ARSB: variants seen among roughly 807,000 people sequenced by gnomAD.
ARSB encodes the protein arylsulfatase B.
A neutral mutation model predicts 50.9 loss-of-function variants in ARSB; 41 were observed. That is an observed-to-expected ratio of 0.81 (90% CI 0.63 to 1.04). The LOEUF (loss-of-function observed/expected upper bound fraction) is 1.04. Among genes scored for constraint, ARSB ranks in the 50% least tolerant of loss-of-function variants. ARSB has a pLI of 0.00. For synonymous variants in ARSB, 269 were observed against 284.8 expected (o/e 0.94, Z 0.56); for missense variants, 672 against 693.3 (o/e 0.97, Z 0.35).
intron 5 of ARSB, among the ~76,000 whole-genome samples, chr5:78,878,143 A>C (rs1438279481): frequency 2.0e-5 from 3 of 152,226 alleles, no homozygotes; most frequent in East Asian, 1.9e-4. Context: ...TTAAGTGTCC[A>C]AGTGAAAAGC....
intron 4 of ARSB, among the ~76,000 whole-genome samples, chr5:78,929,007 GTGTCCA>G (rs1472275185): frequency 6.6e-6 from 1 of 151,990 alleles, no homozygotes; most frequent in Non-Finnish European, 1.5e-5. Flanking sequence ...CCTGCTCTCC[GTGTCCA>G]TTGCCTACCT....
At chr5:78,865,174 G>GT (rs1746658848) in intron 5 of ARSB, among the ~76,000 whole-genome samples, 1 of 152,146 alleles carries the variant, frequency 6.6e-6, no homozygotes, top group Non-Finnish European at 1.5e-5. Flanking sequence ...GAGGTTCTCC[G>GT]TGAGTATCCC....
At chr5:78,847,213 A>C (rs1745484013) in intron 5 of ARSB, among the ~76,000 whole-genome samples, 1 of 151,990 alleles carries the variant, frequency 6.6e-6, no homozygotes, top group South Asian at 2.1e-4. Flanking sequence ...TTGCAGTCTC[A>C]ATCTCCCAGA....
chr5:78,826,059 T>C (rs1744420750), intron 6 of ARSB, among the ~76,000 whole-genome samples: 1 of 151,936 alleles, frequency 6.6e-6, no homozygotes, highest in African/African-American at 2.4e-5. Flanking sequence ...CTTTCTTTTT[T>C]TTTTTTTGAT....
chr5:78,885,950 G>T (rs1397696774), intron 4 of ARSB, 123 bp from the exon 5 acceptor site: 3 of 1,490,236 alleles, frequency 2.0e-6, no homozygotes, highest in Admixed American at 1.8e-5. Context: ...AAAATTCCTT[G>T]CCTTTTCCCA....
intron 5 of ARSB, among the ~76,000 whole-genome samples, chr5:78,864,013 T>C (rs766184503): frequency 2.6e-5 from 4 of 151,378 alleles, no homozygotes; most frequent in Non-Finnish European, 5.9e-5. Flanking sequence ...AAGAAAGTAA[T>C]ATCAACCAAA....
intron 2 of ARSB, 113 bp downstream of exon 2, chr5:78,968,893 G>T: frequency 8.0e-7 from 1 of 1,251,376 alleles, no homozygotes; most frequent in Non-Finnish European, 1.2e-6. Context: ...AGTGCCGACT[G>T]ATTCACTCTG....
At chr5:78,914,218 G>T (rs1412995576) in intron 4 of ARSB, among the ~76,000 whole-genome samples, 6 of 151,942 alleles carry the variant, frequency 3.9e-5, no homozygotes, top group Admixed American at 3.9e-4. Flanking sequence ...TCCTGCCTTG[G>T]CCTCCCAAAG....
At chr5:78,958,650 T>C (rs1207836599) in intron 3 of ARSB, among the ~76,000 whole-genome samples, 1 of 152,204 alleles carries the variant, frequency 6.6e-6, no homozygotes, top group Non-Finnish European at 1.5e-5. Flanking sequence ...TCCTGGAGAC[T>C]GTGTCACGTA....
intron 6 of ARSB, among the ~76,000 whole-genome samples, chr5:78,810,639 T>C (rs1188730898): frequency 2.6e-5 from 4 of 152,216 alleles, no homozygotes; most frequent in Non-Finnish European, 5.9e-5. Context: ...GAATTAGCAT[T>C]GAATGGCTTT....
At chr5:78,951,345 C>A (rs1462672433) in intron 4 of ARSB, among the ~76,000 whole-genome samples, 1 of 151,994 alleles carries the variant, frequency 6.6e-6, no homozygotes, top group African/African-American at 2.4e-5. Context: ...ACTATACTAA[C>A]AAGCTTGGAA....
Position 78,780,285 on chromosome 5 carries a change from G to T in ARSB, c.*112C>A. Reference sequence around the variant, plus strand: ...TTAGACACCTCGGTGTGGTTTAAGAGCAAGAGAAGGGCCAAGTGAACCCAG... The same window carrying T: ...TTAGACACCTCGGTGTGGTTTAAGATCAAGAGAAGGGCCAAGTGAACCCAG... On this transcript the variant is annotated 3_prime_UTR_variant, in exon 8 of 8. Transcript: ENST00000264914. 1 of 1,459,106 alleles carries T rather than the reference G, an allele frequency of 6.9e-7. No homozygotes were observed. Among genetic ancestry groups the T allele is most frequent in the Non-Finnish European group, 9.6e-7 (1 of 1,044,962 alleles). The allele number at this position is 1,459,106 out of a possible 1,614,324, so 90.4% of individuals were successfully genotyped here. A position where few individuals can be genotyped will look rare whatever the true frequency, so the allele number is the denominator to read the frequency against.
At chr5:78,952,229 C>T (rs1751519236) in intron 4 of ARSB, among the ~76,000 whole-genome samples, 1 of 152,136 alleles carries the variant, frequency 6.6e-6, no homozygotes, top group South Asian at 2.1e-4. Flanking sequence ...TATACATACA[C>T]ATTTGCAATC....
At chr5:78,985,492 C>G (rs1005864056), upstream of ARSB, 12 of 290,014 alleles carry the variant, frequency 4.1e-5, no homozygotes, top group Admixed American at 2.6e-4. Flanking sequence ...CTTGGAAACT[C>G]AGCTGACGCT....
intron 4 of ARSB, among the ~76,000 whole-genome samples, chr5:78,903,820 A>AT (rs1748909480): frequency 6.6e-6 from 1 of 152,234 alleles, no homozygotes; most frequent in South Asian, 2.1e-4. Context: ...TATATTAACC[A>AT]TATCAGATAT....
At chr5:78,900,479 A>G (rs1748751170) in intron 4 of ARSB, among the ~76,000 whole-genome samples, 1 of 152,086 alleles carries the variant, frequency 6.6e-6, no homozygotes, top group Admixed American at 6.5e-5. Context: ...GAGATTTTCC[A>G]CATGCTTGGT....
At chr5:78,909,375 A>G (rs1749203693) in intron 4 of ARSB, among the ~76,000 whole-genome samples, 1 of 152,210 alleles carries the variant, frequency 6.6e-6, no homozygotes, top group South Asian at 2.1e-4. Flanking sequence ...TTGTAGGGAA[A>G]AGAGAGAGAG....
intron 5 of ARSB, among the ~76,000 whole-genome samples, chr5:78,882,551 AAAAG>A (rs1173824464): frequency 6.6e-6 from 1 of 152,210 alleles, no homozygotes; most frequent in Admixed American, 6.5e-5. Context: ...AAAAAACTAA[AAAAG>A]AAAGTCAAGG....
intron 6 of ARSB, among the ~76,000 whole-genome samples, chr5:78,807,667 A>G (rs1025523019): frequency 6.6e-6 from 1 of 152,222 alleles, no homozygotes; most frequent in Non-Finnish European, 1.5e-5. Context: ...TAGATAGAAC[A>G]ACAATTTGGA....
Sources: allele counts gnomAD v4.1 joint callset (sites outside exome capture counted in the v4.1 genomes callset), GRCh38; gene constraint gnomAD v4.1.1; transcripts MANE v1.5; gene names NCBI Gene and HGNC (gene_info 2026-07-23, HGNC 2026-07-21).